Variants in ADGRL3 observed in about 807,000 individuals in gnomAD.
The protein encoded by ADGRL3 is calcium-independent alpha-latrotoxin receptor 3.
Under a neutral mutation model 153.5 loss-of-function variants are expected in ADGRL3, and 62 were observed. That is an observed-to-expected ratio of 0.40 (90% CI 0.33 to 0.50). The LOEUF is 0.50. Ranked by LOEUF, ADGRL3 falls within the 20% of genes least tolerant of loss-of-function variation. The probability of loss-of-function intolerance (pLI) is 0.47; values close to 1 mark genes in which losing one functional copy is unlikely to be tolerated. For synonymous variants in ADGRL3, 710 were observed against 672.5 expected (o/e 1.06, Z -0.86); for missense variants, 1,641 against 1,859.4 (o/e 0.88, Z 2.16).
chr4:61,806,988 C>T (rs1198367935), intron 8 of ADGRL3, among the ~76,000 whole-genome samples: 3 of 151,554 alleles, frequency 2.0e-5, no homozygotes, highest in African/African-American at 7.3e-5. Flanking sequence ...TTATTTTTGT[C>T]TTTCTTATAA....
intron 5 of ADGRL3, among the ~76,000 whole-genome samples, chr4:61,622,349 T>C (rs546739400): frequency 4.6e-5 from 7 of 152,288 alleles, no homozygotes; most frequent in African/African-American, 1.7e-4. Context: ...GTCCATATAA[T>C]GTTCTCACTG....
At chr4:61,595,454 T>A (rs1320745534) in intron 5 of ADGRL3, among the ~76,000 whole-genome samples, 1 of 151,976 alleles carries the variant, frequency 6.6e-6, no homozygotes, top group Admixed American at 6.6e-5. Flanking sequence ...AGAAATGTCA[T>A]CTAGGAGCTA....
intron 21 of ADGRL3, among the ~76,000 whole-genome samples, chr4:62,017,533 G>C (rs2151330966): frequency 6.6e-6 from 1 of 151,200 alleles, no homozygotes; most frequent in African/African-American, 2.4e-5. Context: ...TGATTATGAT[G>C]TTTATGCACC....
intron 1 of ADGRL3, among the ~76,000 whole-genome samples, chr4:61,373,543 A>C (rs79729441): frequency 2.6e-5 from 4 of 152,158 alleles, no homozygotes; most frequent in African/African-American, 4.8e-5. Context: ...TTGAATGCAT[A>C]CTTCAAAACG....
rs141599520 is a variant in ADGRL3 at position 61,468,270 on chromosome 4, A to G, written c.-173-28851A>G. Reference sequence around the variant, plus strand: ...TGCGGCAACTTTTTGTAAAACCATGACTATGCTTTACTACTAGGCTTATAA... The same window carrying G: ...TGCGGCAACTTTTTGTAAAACCATGGCTATGCTTTACTACTAGGCTTATAA... On this transcript the variant is annotated intron_variant, in intron 2 of 26. Coordinates refer to ENST00000683033, the MANE Select transcript of ADGRL3 (RefSeq NM_001387552.1). 7.6e-4 allele frequency among the ~76,000 whole-genome samples: 115 copies of G among 152,278 alleles called. 1 individual carries two copies. Among genetic ancestry groups the G allele is most frequent in the African/African-American group, 2.7e-3 (113 of 41,574 alleles).
intron 24 of ADGRL3, among the ~76,000 whole-genome samples, chr4:62,038,205 A>G (rs990279610): frequency 6.6e-6 from 1 of 152,198 alleles, no homozygotes; most frequent in Non-Finnish European, 1.5e-5. Flanking sequence ...TCTAATTCTT[A>G]TAATTCTTCT....
chr4:61,224,438 T>G (rs1370875994), intron 1 of ADGRL3, among the ~76,000 whole-genome samples: 1 of 152,242 alleles, frequency 6.6e-6, no homozygotes, highest in East Asian at 1.9e-4. Flanking sequence ...ATTAAAAATT[T>G]ATTGCTTCTT....
intron 4 of ADGRL3, among the ~76,000 whole-genome samples, chr4:61,544,529 G>A (rs1394818534): frequency 1.3e-5 from 2 of 152,068 alleles, no homozygotes; most frequent in Non-Finnish European, 2.9e-5. Context: ...CATGTGTACA[G>A]AAATCTTTCA....
intron 1 of ADGRL3, among the ~76,000 whole-genome samples, chr4:61,366,726 T>G (rs181496642): frequency 1.9e-3 from 288 of 152,346 alleles, no homozygotes; most frequent in Non-Finnish European, 2.5e-3. Context: ...ACAGTTTGTC[T>G]GGATTATGAT....
chr4:61,726,455 T>C (rs1397657797), intron 6 of ADGRL3, among the ~76,000 whole-genome samples: 1 of 152,046 alleles, frequency 6.6e-6, no homozygotes, highest in Non-Finnish European at 1.5e-5. Context: ...CACCTCGAAC[T>C]CCCAAAGTGC....
intron 2 of ADGRL3, among the ~76,000 whole-genome samples, chr4:61,421,364 G>A (rs1484690579): frequency 6.6e-6 from 1 of 151,572 alleles, no homozygotes; most frequent in Non-Finnish European, 1.5e-5. Context: ...AAAAAAAACT[G>A]GCAAATGTCA....
intron 9 of ADGRL3, among the ~76,000 whole-genome samples, chr4:61,835,106 A>T (rs147411139): frequency 2.5e-4 from 38 of 152,296 alleles, no homozygotes; most frequent in Admixed American, 3.3e-4. Context: ...GTAATTTTTG[A>T]TAACCCCAAA....
At chr4:61,479,392 C>T (rs2098107247) in intron 2 of ADGRL3, among the ~76,000 whole-genome samples, 1 of 152,058 alleles carries the variant, frequency 6.6e-6, no homozygotes, top group Non-Finnish European at 1.5e-5. Flanking sequence ...ATATTACCTA[C>T]CTACCTTCCT....
rs916082922 is a variant in ADGRL3, at chr4:61,490,240, C to T, written c.-173-6881C>T. ...CCAGATCTTTCAAGCTGTGTTATCT[C>T]CTCGGTTTTTTTCAACTCTCTTCTT... On this transcript the variant is annotated intron_variant, in intron 2 of 26. Transcript: ENST00000683033. Among the ~76,000 whole-genome samples the T allele has an allele frequency of 5.3e-5, 8 of 152,104 alleles. No individual in the cohort carries two copies. In the East Asian group the frequency reaches 1.3e-3, roughly 26 times the overall value.
intron 5 of ADGRL3, among the ~76,000 whole-genome samples, chr4:61,622,870 A>G (rs928318033): frequency 2.6e-5 from 4 of 152,172 alleles, no homozygotes; most frequent in African/African-American, 9.6e-5. Flanking sequence ...TTTCTCCTCA[A>G]TGCCAAGTTT....
intron 1 of ADGRL3, among the ~76,000 whole-genome samples, chr4:61,263,522 C>A (rs774587138): frequency 6.6e-6 from 1 of 150,710 alleles, no homozygotes; most frequent in Non-Finnish European, 1.5e-5. Context: ...ATAATTCTAG[C>A]GTTTCATTTT....
intron 1 of ADGRL3, among the ~76,000 whole-genome samples, chr4:61,214,329 A>T (rs956504333): frequency 2.6e-5 from 4 of 152,178 alleles, no homozygotes; most frequent in African/African-American, 9.7e-5. Context: ...AAATATTCTT[A>T]GTTTCTTTCA....
intron 13 of ADGRL3, among the ~76,000 whole-genome samples, chr4:61,932,402 T>A (rs1468257977): frequency 6.6e-6 from 1 of 152,152 alleles, no homozygotes; most frequent in African/African-American, 2.4e-5. Flanking sequence ...TGCTGACTTT[T>A]GTCAAACACT....
intron 5 of ADGRL3, among the ~76,000 whole-genome samples, chr4:61,634,319 T>G (rs570719952): frequency 6.6e-6 from 1 of 152,242 alleles, no homozygotes; most frequent in Non-Finnish European, 1.5e-5. Context: ...GTGTACTACT[T>G]AACAGCTCCA....
Sources: allele counts gnomAD v4.1 joint callset (sites outside exome capture counted in the v4.1 genomes callset), GRCh38; gene constraint gnomAD v4.1.1; transcripts MANE v1.5; gene names NCBI Gene and HGNC (gene_info 2026-07-23, HGNC 2026-07-21).